Variants in TUSC3 observed in about 807,000 individuals in gnomAD.
TUSC3 encodes tumor suppressor candidate 3.
Under a neutral mutation model 44.8 loss-of-function variants are expected in TUSC3, and 45 were observed. The ratio of observed to expected loss-of-function variants is 1.00; its 90% CI spans 0.79 to 1.29. The LOEUF (loss-of-function observed/expected upper bound fraction) is 1.29, where lower values mean the gene tolerates loss of function less well. TUSC3 is among the 50% of genes most tolerant of loss of function. The pLI, the probability that TUSC3 is intolerant of heterozygous loss-of-function variation, is 0.00. For synonymous variants in TUSC3, 212 were observed against 152.9 expected (o/e 1.39, Z -2.85); for missense variants, 519 against 437.9 (o/e 1.19, Z -1.65).
chr8:15,812,811 A>G, the TUSC3 span, among the ~76,000 whole-genome samples: 1 of 152,138 alleles, frequency 6.6e-6, no homozygotes, highest in South Asian at 2.1e-4. Context: ...AAAGAAAAAA[A>G]TGGGCTGGGT....
At chr8:15,472,536 C>T (rs1003325309) in intron 1 of TUSC3, among the ~76,000 whole-genome samples, 1 of 152,104 alleles carries the variant, frequency 6.6e-6, no homozygotes, top group Non-Finnish European at 1.5e-5. Flanking sequence ...CTGGTCACCT[C>T]AATTTCTTCT....
intron 6 of TUSC3, among the ~76,000 whole-genome samples, chr8:15,721,886 G>T (rs10102607): frequency 0.01 from 1,523 of 151,148 alleles, 17 homozygotes; most frequent in African/African-American, 0.035. Context: ...TCTCTAATTG[G>T]TATAGTATTT....
intron 1 of TUSC3, among the ~76,000 whole-genome samples, chr8:15,444,430 A>G (rs946914777): frequency 6.6e-6 from 1 of 152,184 alleles, no homozygotes; most frequent in Non-Finnish European, 1.5e-5. Flanking sequence ...GTAGATGGAA[A>G]ATAACTAAGA....
chr8:15,587,044 T>G (rs568958047), intron 1 of TUSC3, among the ~76,000 whole-genome samples: 1 of 152,350 alleles, frequency 6.6e-6, no homozygotes, highest in East Asian at 1.9e-4. Context: ...CCAGTTTTTC[T>G]TACTCCCTTC....
chr8:15,547,060 T>C (rs1377944936), intron 1 of TUSC3, among the ~76,000 whole-genome samples: 2 of 151,738 alleles, frequency 1.3e-5, no homozygotes, highest in Non-Finnish European at 2.9e-5. Context: ...ATTTATGGTA[T>C]ATTTATTATT....
chr8:15,586,372 G>A (rs1159328739), intron 1 of TUSC3, among the ~76,000 whole-genome samples: 1 of 152,140 alleles, frequency 6.6e-6, no homozygotes, highest in Non-Finnish European at 1.5e-5. Context: ...ATTCAAAAGA[G>A]GAGTTGGTTC....
At chr8:15,428,558 A>G (rs1439272344) in intron 1 of TUSC3, among the ~76,000 whole-genome samples, 2 of 152,184 alleles carry the variant, frequency 1.3e-5, no homozygotes, top group African/African-American at 4.8e-5. Flanking sequence ...GACTTCCACA[A>G]TGGCTGAACT....
At chr8:15,671,538 A>C (rs1450065213) in intron 5 of TUSC3, among the ~76,000 whole-genome samples, 1 of 152,014 alleles carries the variant, frequency 6.6e-6, no homozygotes, top group Non-Finnish European at 1.5e-5. Flanking sequence ...CTATGTGAGT[A>C]AATACATTTG....
chr8:15,569,802 C>G (rs1802804514), intron 1 of TUSC3, among the ~76,000 whole-genome samples: 2 of 151,984 alleles, frequency 1.3e-5, no homozygotes. Context: ...TGTTTGTATT[C>G]AAATACCGTG....
At chr8:15,589,817 T>G (rs1290224925) in intron 1 of TUSC3, among the ~76,000 whole-genome samples, 1 of 152,152 alleles carries the variant, frequency 6.6e-6, no homozygotes, top group African/African-American at 2.4e-5. Context: ...AGTTAATGGT[T>G]GAGCCAAGCC....
At chr8:15,673,035 T>G (rs1021319595) in intron 5 of TUSC3, among the ~76,000 whole-genome samples, 4 of 152,024 alleles carry the variant, frequency 2.6e-5, no homozygotes, top group Non-Finnish European at 4.4e-5. Context: ...ATTTTGTGAT[T>G]TAAACAAAAC....
At chr8:15,735,879 T>TTG (rs1563197106) in intron 7 of TUSC3, among the ~76,000 whole-genome samples, 1 of 40,742 alleles carries the variant, frequency 2.5e-5, no homozygotes, top group Non-Finnish European at 7.0e-5. Flanking sequence ...GGTTTTTTTT[T>TTG]TTTGTTTTTT....
At chr8:15,618,869 T>C (rs1462562930) in intron 1 of TUSC3, among the ~76,000 whole-genome samples, 2 of 152,124 alleles carry the variant, frequency 1.3e-5, no homozygotes, top group African/African-American at 4.8e-5. Flanking sequence ...CCCTTCAGTA[T>C]TAGGCGGTAA....
intron 9 of TUSC3, among the ~76,000 whole-genome samples, chr8:15,751,481 ACT>A (rs1193749918): frequency 6.6e-6 from 1 of 151,666 alleles, no homozygotes; most frequent in Non-Finnish European, 1.5e-5. Flanking sequence ...ACCGGTTCTC[ACT>A]CTCTCAACAT....
At chr8:15,673,103 C>T (rs558322647) in intron 5 of TUSC3, among the ~76,000 whole-genome samples, 59 of 152,132 alleles carry the variant, frequency 3.9e-4, no homozygotes, top group Non-Finnish European at 6.8e-4. Flanking sequence ...GCATTCTCTC[C>T]CCACCCTCTC....
At chr8:15,524,358 G>A (rs60085689) in intron 2 of TUSC3, among the ~76,000 whole-genome samples, 1 of 152,018 alleles carries the variant, frequency 6.6e-6, no homozygotes, top group Non-Finnish European at 1.5e-5. Context: ...CACTCACCAT[G>A]TCTAATGGAA....
intron 5 of TUSC3, among the ~76,000 whole-genome samples, chr8:15,663,264 A>G (rs1378388746): frequency 6.6e-6 from 1 of 151,700 alleles, no homozygotes; most frequent in East Asian, 1.9e-4. Flanking sequence ...AATACATTAT[A>G]TATCTGTATA....
chr8:15,731,402 C>G (rs1187307324), intron 7 of TUSC3, among the ~76,000 whole-genome samples: 4 of 152,010 alleles, frequency 2.6e-5, no homozygotes, highest in Admixed American at 1.3e-4. Flanking sequence ...CTCTAGTATC[C>G]TTTATAAAAT....
At chr8:15,801,723 C>T in the TUSC3 span, among the ~76,000 whole-genome samples, 1 of 152,084 alleles carries the variant, frequency 6.6e-6, no homozygotes, top group African/African-American at 2.4e-5. Flanking sequence ...GTAGAACGTA[C>T]CCTTGCTGGG....
Sources: gnomAD v4.1 joint callset for allele counts (sites outside exome capture counted in the v4.1 genomes callset) on GRCh38, gnomAD v4.1.1 for gene constraint, MANE v1.5 for transcripts, NCBI Gene and HGNC (gene_info 2026-07-23, HGNC 2026-07-21) for gene names.